FHOD3: variants seen among roughly 807,000 people sequenced by gnomAD.
FHOD3 encodes FH1/FH2 domain-containing protein 3.
Under a neutral mutation model 173.0 loss-of-function variants are expected in FHOD3, and 90 were observed. The ratio of observed to expected loss-of-function variants is 0.52; its 90% confidence interval spans 0.44 to 0.62. The LOEUF (loss-of-function observed/expected upper bound fraction) is 0.62. FHOD3 is among the 20% of genes least tolerant of loss of function. The pLI, the probability that FHOD3 is intolerant of heterozygous loss-of-function variation, is 0.00. For missense variants in FHOD3, 1,945 were observed against 2,034.7 expected (o/e 0.96, Z 0.85); for synonymous variants, 828 against 823.0 (o/e 1.01, Z -0.10).
At chr18:36,716,685 A>G (rs2040467170) in intron 18 of FHOD3, among the ~76,000 whole-genome samples, 1 of 152,170 alleles carries the variant, frequency 6.6e-6, no homozygotes, top group Non-Finnish European at 1.5e-5. Flanking sequence ...GGCTGTGTCT[A>G]GTGCAACACA....
At chr18:36,674,630 T>C (rs925051590) in intron 14 of FHOD3, among the ~76,000 whole-genome samples, 5 of 152,180 alleles carry the variant, frequency 3.3e-5, no homozygotes, top group Non-Finnish European at 7.4e-5. Flanking sequence ...TGGAGGTCAG[T>C]AAAACTTTTT....
At chr18:36,730,362 G>A (rs1236942354) in intron 19 of FHOD3, among the ~76,000 whole-genome samples, 1 of 152,150 alleles carries the variant, frequency 6.6e-6, no homozygotes, top group African/African-American at 2.4e-5. Context: ...GGAAAAAACA[G>A]ATTTTTTTTT....
chr18:36,381,272 G>C (rs2047771814), intron 3 of FHOD3, among the ~76,000 whole-genome samples: 1 of 152,212 alleles, frequency 6.6e-6, no homozygotes, highest in Non-Finnish European at 1.5e-5. Context: ...AGTCAGCTGA[G>C]AAAAATGGAC....
intron 1 of FHOD3, among the ~76,000 whole-genome samples, chr18:36,299,460 C>T (rs568248814): frequency 7.2e-5 from 11 of 152,354 alleles, no homozygotes; most frequent in African/African-American, 1.9e-4. Context: ...CAGGCCACTA[C>T]GGTCTCTGAT....
At chr18:36,301,148 G>A (rs889183964) in intron 1 of FHOD3, among the ~76,000 whole-genome samples, 4 of 152,172 alleles carry the variant, frequency 2.6e-5, no homozygotes, top group Admixed American at 1.3e-4. Flanking sequence ...TGTAGGCAGC[G>A]CTGAGAAGGC....
intron 2 of FHOD3, among the ~76,000 whole-genome samples, chr18:36,369,718 AT>A (rs1404163586): frequency 6.6e-6 from 1 of 151,844 alleles, no homozygotes; most frequent in Non-Finnish European, 1.5e-5. Flanking sequence ...GCATAATTTG[AT>A]TTCTCAATAT....
intron 3 of FHOD3, among the ~76,000 whole-genome samples, chr18:36,439,480 C>A: frequency 6.7e-6 from 1 of 150,088 alleles, no homozygotes; most frequent in African/African-American, 2.5e-5. Context: ...GTGCATGTGA[C>A]TGTATTAGTC....
Position 36,351,560 on chromosome 18 carries a change from T to A in FHOD3, c.166-3979T>A, listed in dbSNP as rs889040021. 2.0e-5 allele frequency among the ~76,000 whole-genome samples: 3 copies of A among 152,362 alleles called. No individual in the cohort carries two copies. In the East Asian group the frequency reaches 5.8e-4, roughly 29 times the overall value. On this transcript the variant is annotated intron_variant, in intron 1 of 28. Coordinates refer to ENST00000590592, the MANE Select transcript of FHOD3 (RefSeq NM_001281740.3). ...ATTATGTGTTCCTTGGTGCCCTGCC[T>A]GTGCCTGACATATAATTTTGTTAAA...
At chr18:36,592,318 C>A (rs141622815) in intron 6 of FHOD3, among the ~76,000 whole-genome samples, 3 of 152,314 alleles carry the variant, frequency 2.0e-5, no homozygotes, top group Non-Finnish European at 4.4e-5. Context: ...TTTCTCTGAT[C>A]TGAAGGATGA....
chr18:36,732,285 T>C (rs1259078716), intron 20 of FHOD3, among the ~76,000 whole-genome samples: 1 of 152,196 alleles, frequency 6.6e-6, no homozygotes, highest in Non-Finnish European at 1.5e-5. Flanking sequence ...TCTAGAACTG[T>C]GGGAGAATGC....
At chr18:36,745,993 C>T (rs971998434) in intron 23 of FHOD3, among the ~76,000 whole-genome samples, 6 of 152,014 alleles carry the variant, frequency 3.9e-5, no homozygotes, top group African/African-American at 7.3e-5. Flanking sequence ...TTTCTTCCTC[C>T]GCTCCTGTCC....
chr18:36,697,329 A>G (rs1197588436), intron 17 of FHOD3, among the ~76,000 whole-genome samples: 1 of 152,192 alleles, frequency 6.6e-6, no homozygotes, highest in Non-Finnish European at 1.5e-5. Context: ...CTTGTAAACG[A>G]GTCCCTCCTG....
intron 3 of FHOD3, among the ~76,000 whole-genome samples, chr18:36,450,503 T>A (rs1038443377): frequency 5.9e-5 from 9 of 151,670 alleles, no homozygotes; most frequent in African/African-American, 2.2e-4. Context: ...TAAAGAAAAC[T>A]CCCTGAGGCC....
At chr18:36,494,257 C>T (rs1261897257) in intron 3 of FHOD3, among the ~76,000 whole-genome samples, 1 of 152,124 alleles carries the variant, frequency 6.6e-6, no homozygotes, top group Non-Finnish European at 1.5e-5. Context: ...GGAATGGTCC[C>T]CAGGGGTCTC....
intron 3 of FHOD3, among the ~76,000 whole-genome samples, chr18:36,451,941 G>T (rs2144339091): frequency 6.6e-6 from 1 of 152,276 alleles, no homozygotes; most frequent in South Asian, 2.1e-4. Flanking sequence ...TGCTCCCCCA[G>T]TTCCTTTTCC....
At chr18:36,604,596 C>T (rs1479840019) in intron 8 of FHOD3, among the ~76,000 whole-genome samples, 1 of 151,996 alleles carries the variant, frequency 6.6e-6, no homozygotes, top group Non-Finnish European at 1.5e-5. Flanking sequence ...TTTAACCATA[C>T]ACCACAGTAA....
chr18:36,578,657 C>T (rs1053372005), intron 6 of FHOD3, among the ~76,000 whole-genome samples: 16 of 152,170 alleles, frequency 1.1e-4, no homozygotes, highest in Admixed American at 1.0e-3. Flanking sequence ...ATTCTGCTGT[C>T]CTTTGGGAGC....
intron 23 of FHOD3, among the ~76,000 whole-genome samples, chr18:36,745,904 C>T (rs576875652): frequency 6.6e-6 from 1 of 151,908 alleles, no homozygotes; most frequent in Non-Finnish European, 1.5e-5. Flanking sequence ...CTGACTTTTG[C>T]TTGCTGGACA....
chr18:36,405,160 T>C (rs1356188358), intron 3 of FHOD3, among the ~76,000 whole-genome samples: 2 of 152,160 alleles, frequency 1.3e-5, no homozygotes, highest in Non-Finnish European at 1.5e-5. Context: ...GAAAGAGAAA[T>C]GGACATGTGG....
Sources: allele counts gnomAD v4.1 joint callset (sites outside exome capture counted in the v4.1 genomes callset), GRCh38; gene constraint gnomAD v4.1.1; transcripts MANE v1.5; gene names NCBI Gene and HGNC (gene_info 2026-07-23, HGNC 2026-07-21).